ATRNL1: variants seen among roughly 807,000 people sequenced by gnomAD.
ATRNL1 encodes the protein attractin like 1.
ATRNL1 carries 95 observed loss-of-function variants against 182.7 expected under a neutral mutation model. The ratio of observed to expected loss-of-function variants is 0.52; its 90% confidence interval spans 0.44 to 0.62. The LOEUF (loss-of-function observed/expected upper bound fraction) is 0.62, where lower values mean the gene tolerates loss of function less well. ATRNL1 is among the 20% of genes least tolerant of loss of function. ATRNL1 has a pLI of 0.00. For missense variants in ATRNL1, 1,471 were observed against 1,679.5 expected, an observed-to-expected ratio of 0.88 and a Z score of 2.17; for synonymous variants, 576 against 568.3, an observed-to-expected ratio of 1.01 and a Z score of -0.19.
intron 1 of ATRNL1, among the ~76,000 whole-genome samples, chr10:115,105,327 A>G (rs1327506400): frequency 6.6e-6 from 1 of 152,206 alleles, no homozygotes; most frequent in Non-Finnish European, 1.5e-5. Context: ...AAAGCATTCA[A>G]GATGTGACTT....
At chr10:115,233,027 AT>A (rs1564839486) in intron 9 of ATRNL1, among the ~76,000 whole-genome samples, 1 of 151,900 alleles carries the variant, frequency 6.6e-6, no homozygotes, top group Non-Finnish European at 1.5e-5. Flanking sequence ...CTTTTCCATC[AT>A]TTGGCAGCTC....
At chr10:115,726,854 T>A (rs1187701435) in intron 26 of ATRNL1, among the ~76,000 whole-genome samples, 2 of 126,294 alleles carry the variant, frequency 1.6e-5, no homozygotes, top group Admixed American at 9.7e-5. Context: ...ATATTTTTAC[T>A]GTTTTTTTTT....
rs181183739 is a variant in ATRNL1 at position 115,465,995 on chromosome 10, G to T, written c.3418-1179G>T. On this transcript the variant is annotated intron_variant, in intron 22 of 28. Coordinates refer to ENST00000355044, the MANE Select transcript of ATRNL1 (RefSeq NM_207303.4). ...AATCATTAAGAGTAGATGTTATTTG[G>T]AGGTATAAGATTGGGGCTTATACGT... 4.1e-4 allele frequency among the ~76,000 whole-genome samples: 62 copies of T among 151,352 alleles called. No individual in the cohort carries two copies. The East Asian group carries it at 6.0e-3, about 15-fold the overall frequency.
intron 20 of ATRNL1, among the ~76,000 whole-genome samples, chr10:115,416,175 GAATA>G (rs1592624296): frequency 1.3e-5 from 2 of 151,972 alleles, no homozygotes; most frequent in Non-Finnish European, 1.5e-5. Context: ...TCCTACAAAA[GAATA>G]AATAATGTCT....
chr10:115,544,699 T>C (rs1258424220), intron 25 of ATRNL1, among the ~76,000 whole-genome samples: 2 of 152,156 alleles, frequency 1.3e-5, no homozygotes, highest in African/African-American at 4.8e-5. Context: ...GAGATTTGAG[T>C]TGGGACAAAT....
At chr10:115,215,620 G>C (rs1849200691) in intron 8 of ATRNL1, 77 bp from the exon 9 acceptor site, 2 of 1,088,084 alleles carry the variant, frequency 1.8e-6, no homozygotes, top group Admixed American at 6.2e-5. Flanking sequence ...GAATTAACTT[G>C]TTGGTATTTT....
chr10:115,853,046 A>G (rs1951094144), intron 28 of ATRNL1, among the ~76,000 whole-genome samples: 1 of 152,042 alleles, frequency 6.6e-6, no homozygotes, highest in Non-Finnish European at 1.5e-5. Flanking sequence ...TGGGTCTTCT[A>G]TTTTCCCATG....
chr10:115,859,918 A>C (rs1324217578), intron 28 of ATRNL1, among the ~76,000 whole-genome samples: 2 of 152,216 alleles, frequency 1.3e-5, no homozygotes, highest in Non-Finnish European at 2.9e-5. Flanking sequence ...GTAGGGAAAA[A>C]GTTAATGGCC....
intron 26 of ATRNL1, among the ~76,000 whole-genome samples, chr10:115,694,503 A>C (rs1946492078): frequency 6.7e-6 from 1 of 148,712 alleles, no homozygotes; most frequent in Non-Finnish European, 1.5e-5. Flanking sequence ...TAATGTAAAC[A>C]GCTATGCAAA....
At chr10:115,723,644 G>A (rs754228599) in intron 26 of ATRNL1, among the ~76,000 whole-genome samples, 1 of 152,026 alleles carries the variant, frequency 6.6e-6, no homozygotes, top group African/African-American at 2.4e-5. Context: ...CACCTCCCGG[G>A]TTCAAGTGAT....
chr10:115,864,157 G>C (rs939626014), intron 28 of ATRNL1, among the ~76,000 whole-genome samples: 1 of 152,040 alleles, frequency 6.6e-6, no homozygotes, highest in Non-Finnish European at 1.5e-5. Context: ...TATTCAAGAG[G>C]CTGAGGTGGG....
chr10:115,321,643 C>T (rs570535057), intron 18 of ATRNL1, among the ~76,000 whole-genome samples: 14 of 140,990 alleles, frequency 9.9e-5, no homozygotes, highest in African/African-American at 3.3e-4. Flanking sequence ...ACATAGCTAT[C>T]ATAATACTGA....
intron 8 of ATRNL1, among the ~76,000 whole-genome samples, chr10:115,185,305 T>C (rs2144190093): frequency 6.6e-6 from 1 of 152,126 alleles, no homozygotes; most frequent in South Asian, 2.1e-4. Flanking sequence ...CAGGGCTCCT[T>C]GGAGGAGCTG....
chr10:115,566,636 A>T lies in ATRNL1; in HGVS notation c.3795+17100A>T, dbSNP rs537057152. On this transcript the variant is annotated intron_variant, in intron 26 of 28. Coordinates refer to ENST00000355044, the MANE Select transcript of ATRNL1 (RefSeq NM_207303.4). ...TGAGTGGAGTATGTAAGAAAGCTAAATTATAACCTCTATGGACTACTTTAG... is the reference window on the plus strand; with the variant it reads ...TGAGTGGAGTATGTAAGAAAGCTAATTTATAACCTCTATGGACTACTTTAG... Among the ~76,000 whole-genome samples, 3 of 152,274 alleles carry T rather than the reference A, an allele frequency of 2.0e-5. No individual in the cohort carries two copies. The East Asian group carries it at 5.8e-4, about 29-fold the overall frequency.
At chr10:115,559,230 A>T (rs1853514950) in intron 26 of ATRNL1, among the ~76,000 whole-genome samples, 2 of 152,354 alleles carry the variant, frequency 1.3e-5, no homozygotes, top group South Asian at 4.1e-4. Context: ...TCAATTCAAA[A>T]AGATAAAATC....
At chr10:115,452,094 C>CG (rs1349120004) in intron 21 of ATRNL1, among the ~76,000 whole-genome samples, 1 of 151,990 alleles carries the variant, frequency 6.6e-6, no homozygotes, top group Non-Finnish European at 1.5e-5. Flanking sequence ...ACAACAGACA[C>CG]GGGGGTCTAC....
chr10:115,619,749 A>T (rs187408470), intron 26 of ATRNL1, among the ~76,000 whole-genome samples: 88 of 152,324 alleles, frequency 5.8e-4, no homozygotes, highest in African/African-American at 1.5e-3. Context: ...TAAATTACAT[A>T]AAAATTTCAT....
intron 26 of ATRNL1, among the ~76,000 whole-genome samples, chr10:115,636,939 C>T (rs1555028372): frequency 6.6e-6 from 1 of 152,084 alleles, no homozygotes; most frequent in East Asian, 1.9e-4. Context: ...GCATACACAG[C>T]AATGGTCCCA....
chr10:115,334,133 A>G, intron 18 of ATRNL1, 149 bp from the exon 19 acceptor site: 3 of 474,314 alleles, frequency 6.3e-6, no homozygotes, highest in Non-Finnish European at 1.1e-5. Context: ...ACTTTGAGCT[A>G]TATGTGTTAT....
Sources: allele counts gnomAD v4.1 joint callset (sites outside exome capture counted in the v4.1 genomes callset), GRCh38; gene constraint gnomAD v4.1.1; transcripts MANE v1.5; gene names NCBI Gene and HGNC (gene_info 2026-07-23, HGNC 2026-07-21).